MLLT3: variants seen among roughly 807,000 people sequenced by gnomAD.
MLLT3 encodes the protein protein AF-9.
A neutral mutation model predicts 53.2 loss-of-function variants in MLLT3; 4 were observed. The observed-to-expected ratio is 0.08, with a 90% CI of 0.04 to 0.17. The LOEUF is 0.17. Among genes scored for constraint, MLLT3 ranks in the 10% least tolerant of loss-of-function variants. The probability of loss-of-function intolerance (pLI) is 1.00; values close to 1 mark genes in which losing one functional copy is unlikely to be tolerated. For missense variants in MLLT3, 569 were observed against 684.0 expected (o/e 0.83, Z 1.87); for synonymous variants, 283 against 230.6 (o/e 1.23, Z -2.06).
intron 2 of MLLT3, among the ~76,000 whole-genome samples, chr9:20,500,325 G>A (rs1825189547): frequency 6.6e-6 from 1 of 152,154 alleles, no homozygotes; most frequent in Non-Finnish European, 1.5e-5. Flanking sequence ...GAAGGCTGCA[G>A]GTTTCACAAC....
intron 2 of MLLT3, among the ~76,000 whole-genome samples, chr9:20,614,009 A>C (rs1271333217): frequency 6.6e-6 from 1 of 152,232 alleles, no homozygotes; most frequent in Non-Finnish European, 1.5e-5. Context: ...ATAAATCCAT[A>C]TACAATGTCA....
intron 2 of MLLT3, among the ~76,000 whole-genome samples, chr9:20,534,746 C>T (rs545955634): frequency 1.3e-5 from 2 of 152,052 alleles, no homozygotes; most frequent in South Asian, 2.1e-4. Flanking sequence ...ATTAGCTGGG[C>T]GTGGTGGCAG....
chr9:20,484,310 T>C (rs1485769331), intron 2 of MLLT3, among the ~76,000 whole-genome samples: 4 of 152,132 alleles, frequency 2.6e-5, no homozygotes. Flanking sequence ...AAAACTGTAA[T>C]ACATCCTTCA....
At chr9:20,553,543 C>A (rs1818980144) in intron 2 of MLLT3, among the ~76,000 whole-genome samples, 1 of 152,186 alleles carries the variant, frequency 6.6e-6, no homozygotes, top group Admixed American at 6.5e-5. Context: ...CTCCTAGAGC[C>A]AGCATGTTTG....
At chr9:20,450,049 A>G (rs1823801137) in intron 3 of MLLT3, among the ~76,000 whole-genome samples, 1 of 152,208 alleles carries the variant, frequency 6.6e-6, no homozygotes, top group African/African-American at 2.4e-5. Context: ...TTCATGCATT[A>G]TGTTAAACTA....
At chr9:20,577,446 A>G (rs1337392523) in intron 2 of MLLT3, among the ~76,000 whole-genome samples, 3 of 152,182 alleles carry the variant, frequency 2.0e-5, no homozygotes, top group East Asian at 1.9e-4. Context: ...AGAAAACACA[A>G]CTTTCATTTC....
At chr9:20,502,913 C>G (rs1825284079) in intron 2 of MLLT3, among the ~76,000 whole-genome samples, 1 of 152,126 alleles carries the variant, frequency 6.6e-6, no homozygotes, top group African/African-American at 2.4e-5. Flanking sequence ...TAACAATGAG[C>G]TATCTGAAAG....
intron 2 of MLLT3, among the ~76,000 whole-genome samples, chr9:20,535,345 A>T (rs987933258): frequency 6.6e-6 from 1 of 152,192 alleles, no homozygotes; most frequent in Admixed American, 6.5e-5. Context: ...GTCTTCCATG[A>T]AACCAGTCCC....
intron 5 of MLLT3, among the ~76,000 whole-genome samples, chr9:20,389,981 T>C (rs1313287372): frequency 2.6e-5 from 4 of 152,326 alleles, no homozygotes; most frequent in Middle Eastern, 3.4e-3. Context: ...TGTAATTAAG[T>C]TATGTATACT....
chr9:20,519,242 G>T (rs544334000), intron 2 of MLLT3, among the ~76,000 whole-genome samples: 16 of 152,220 alleles, frequency 1.1e-4, no homozygotes, highest in African/African-American at 3.9e-4. Context: ...GTTAATAATG[G>T]TGTGCCAATA....
At chr9:20,587,456 G>C (rs532451997) in intron 2 of MLLT3, among the ~76,000 whole-genome samples, 2 of 151,842 alleles carry the variant, frequency 1.3e-5, no homozygotes, top group Non-Finnish European at 2.9e-5. Flanking sequence ...TCAAACCAAG[G>C]ACTCCCACCT....
At chr9:20,515,410 G>C (rs1024182899) in intron 2 of MLLT3, among the ~76,000 whole-genome samples, 3 of 152,194 alleles carry the variant, frequency 2.0e-5, no homozygotes, top group Non-Finnish European at 4.4e-5. Flanking sequence ...GGGACCTGGT[G>C]AATAGGGACT....
chr9:20,529,656 A>G (rs979502589), intron 2 of MLLT3, among the ~76,000 whole-genome samples: 1 of 151,612 alleles, frequency 6.6e-6, no homozygotes, highest in African/African-American at 2.4e-5. Context: ...TATATCAAAG[A>G]CCACTACACT....
chr9:20,430,730 C>T (rs574765549), intron 4 of MLLT3, among the ~76,000 whole-genome samples: 1 of 151,938 alleles, frequency 6.6e-6, no homozygotes, highest in African/African-American at 2.4e-5. Context: ...TTAAAAAGAA[C>T]TAACTATTTT....
rs1422616163 is a variant in MLLT3, at chr9:20,346,539, A to G, written c.1611T>C (p.His537=). The G allele has an allele frequency of 1.2e-6, 2 of 1,613,796 alleles. No homozygotes were observed. The highest frequency in any genetic ancestry group is 2.2e-5 in the South Asian group (2 of 91,058). ...VNLIEETGHF[H]ITNTTFDFDL... is the part of the protein sequence containing the mutation. ...CAAAATCAAATGTTGTGTTTGTGAT[A>G]TGAAAGTGTCCAGTTTCTTCTATAA... The change falls in exon 11 of 11, where the codon CAT becomes CAC. Residue 537 remains histidine, a synonymous_variant. Coordinates refer to ENST00000380338, the MANE Select transcript of MLLT3 (RefSeq NM_004529.4).
chr9:20,479,381 C>CTTCACATCTAGAGCAACCCTTTT (rs1824606521), intron 2 of MLLT3, among the ~76,000 whole-genome samples: 2 of 152,096 alleles, frequency 1.3e-5, no homozygotes, highest in African/African-American at 2.4e-5. Context: ...GTTGGCCTCC[C>CTTCACATCTAGAGCAACCCTTTT]TTCACATCTA....
At chr9:20,388,420 CT>C (rs1276897686) in intron 5 of MLLT3, among the ~76,000 whole-genome samples, 4 of 152,072 alleles carry the variant, frequency 2.6e-5, no homozygotes, top group Non-Finnish European at 5.9e-5. Context: ...AACCCCGTCT[CT>C]ACTAAAAATA....
chr9:20,434,729 A>C (rs1823360634), intron 4 of MLLT3, among the ~76,000 whole-genome samples: 1 of 152,194 alleles, frequency 6.6e-6, no homozygotes, highest in South Asian at 2.1e-4. Context: ...CAAAAATGCC[A>C]AATGAGGTTG....
intron 5 of MLLT3, among the ~76,000 whole-genome samples, chr9:20,408,305 T>A (rs1321405845): frequency 6.6e-6 from 1 of 152,034 alleles, no homozygotes; most frequent in Non-Finnish European, 1.5e-5. Flanking sequence ...AACTGCTTTT[T>A]TCAAATAAAC....
Sources: gnomAD v4.1 joint callset for allele counts (sites outside exome capture counted in the v4.1 genomes callset) on GRCh38, gnomAD v4.1.1 for gene constraint, MANE v1.5 for transcripts, NCBI Gene and HGNC (gene_info 2026-07-23, HGNC 2026-07-21) for gene names.